IQCM: variants seen among roughly 807,000 people sequenced by gnomAD.
The protein encoded by IQCM is IQ motif containing M.
IQCM carries 45 observed loss-of-function variants against 57.6 expected under a neutral mutation model. The observed-to-expected ratio is 0.78, with a 90% CI of 0.62 to 1.00. The LOEUF is 1.00. Ranked by LOEUF, IQCM falls within the 50% of genes least tolerant of loss-of-function variation. IQCM has a pLI of 0.00. For synonymous variants in IQCM, 148 were observed against 158.9 expected (o/e 0.93, Z 0.51); for missense variants, 468 against 511.6 (o/e 0.91, Z 0.82).
At chr4:149,428,120 AC>A (rs1244898035) in intron 13 of IQCM, among the ~76,000 whole-genome samples, 4 of 151,994 alleles carry the variant, frequency 2.6e-5, no homozygotes, top group African/African-American at 4.8e-5. Context: ...ATCCTACAGA[AC>A]ACTTCAAAGA....
intron 8 of IQCM, among the ~76,000 whole-genome samples, chr4:149,618,133 G>T (rs978529674): frequency 6.6e-6 from 1 of 152,040 alleles, no homozygotes; most frequent in African/African-American, 2.4e-5. Flanking sequence ...TCAAAACAGC[G>T]TGACATTGGT....
chr4:149,706,081 T>A (rs1398229273), intron 5 of IQCM, among the ~76,000 whole-genome samples: 1 of 151,972 alleles, frequency 6.6e-6, no homozygotes. Context: ...TATTCTTTTT[T>A]AAAAAAGTTT....
chr4:149,733,567 TAA>T, intron 4 of IQCM, 59 bp from the exon 5 acceptor site: 1 of 827,480 alleles, frequency 1.2e-6, no homozygotes, highest in Non-Finnish European at 1.6e-6. Context: ...CATTATTTAA[TAA>T]AGTTATATAT....
intron 2 of IQCM, among the ~76,000 whole-genome samples, chr4:149,768,755 C>T (rs1770287973): frequency 6.6e-6 from 1 of 152,026 alleles, no homozygotes; most frequent in African/African-American, 2.4e-5. Context: ...TACTCTGAGA[C>T]ACGGCAACTG....
intron 13 of IQCM, among the ~76,000 whole-genome samples, chr4:149,426,580 A>C (rs1734477100): frequency 6.6e-6 from 1 of 151,936 alleles, no homozygotes; most frequent in Admixed American, 6.6e-5. Context: ...CTCTCACTAG[A>C]GCTGCAGTTA....
At chr4:149,378,039 C>T (rs145475699) in intron 13 of IQCM, among the ~76,000 whole-genome samples, 63 of 152,214 alleles carry the variant, frequency 4.1e-4, no homozygotes, top group Non-Finnish European at 7.2e-4. Flanking sequence ...GTGAATAAGT[C>T]TCACAAGATC....
At chr4:149,653,385 G>C (rs1237398987) in intron 7 of IQCM, among the ~76,000 whole-genome samples, 2 of 152,242 alleles carry the variant, frequency 1.3e-5, no homozygotes, top group Non-Finnish European at 2.9e-5. Flanking sequence ...CTAAAGGCAA[G>C]GTCCTGTGTG....
At chr4:149,536,215 C>T (rs1156993211) in intron 12 of IQCM, among the ~76,000 whole-genome samples, 1 of 152,022 alleles carries the variant, frequency 6.6e-6, no homozygotes, top group Non-Finnish European at 1.5e-5. Context: ...CATCCATTTA[C>T]AGTAGGCAGA....
intron 7 of IQCM, among the ~76,000 whole-genome samples, chr4:149,621,657 A>T (rs1579736104): frequency 6.6e-6 from 1 of 152,242 alleles, no homozygotes; most frequent in East Asian, 1.9e-4. Flanking sequence ...TCAGTATTTT[A>T]TAAGGCACAA....
At chr4:149,800,982 C>T (rs1444452312) in intron 2 of IQCM, among the ~76,000 whole-genome samples, 4 of 151,742 alleles carry the variant, frequency 2.6e-5, no homozygotes, top group African/African-American at 9.7e-5. Context: ...AAAAAAAATT[C>T]TAAAATTGAT....
At chr4:149,517,114 G>GAAAAA (rs34555374) in intron 12 of IQCM, among the ~76,000 whole-genome samples, 16 of 83,882 alleles carry the variant, frequency 1.9e-4, no homozygotes, top group Non-Finnish European at 2.8e-4. Flanking sequence ...ACTCCACCAG[G>GAAAAA]AAAAAAAAAA....
chr4:149,708,577 A>T (rs1430069119), intron 5 of IQCM, among the ~76,000 whole-genome samples: 1 of 152,080 alleles, frequency 6.6e-6, no homozygotes, highest in Non-Finnish European at 1.5e-5. Context: ...TATCACTAAC[A>T]GAAAGGCTTT....
chr4:149,534,821 T>G (rs148281009), intron 12 of IQCM, among the ~76,000 whole-genome samples: 31 of 152,254 alleles, frequency 2.0e-4, no homozygotes, highest in African/African-American at 7.2e-4. Context: ...GAAACTCTTA[T>G]GGACCAATCA....
At chr4:149,379,062 G>T (rs1189195016) in intron 13 of IQCM, among the ~76,000 whole-genome samples, 1 of 152,184 alleles carries the variant, frequency 6.6e-6, no homozygotes, top group Admixed American at 6.5e-5. Context: ...TCCATGTGGT[G>T]TTGAGCCTGT....
intron 3 of IQCM, among the ~76,000 whole-genome samples, chr4:149,739,885 G>C (rs370721308): frequency 6.6e-6 from 1 of 151,948 alleles, no homozygotes; most frequent in Non-Finnish European, 1.5e-5. Flanking sequence ...TTGTGATGAC[G>C]GTTCATAAAA....
chr4:149,795,983 G>A (rs965803482), intron 2 of IQCM, among the ~76,000 whole-genome samples: 1 of 152,204 alleles, frequency 6.6e-6, no homozygotes, highest in African/African-American at 2.4e-5. Context: ...GGCTCTAGGT[G>A]AGACTCAGAA....
intron 13 of IQCM, among the ~76,000 whole-genome samples, chr4:149,412,960 G>T (rs1299168624): frequency 6.6e-6 from 1 of 152,116 alleles, no homozygotes; most frequent in Admixed American, 6.6e-5. Flanking sequence ...GCCAGGATCA[G>T]ACTGTGAAGG....
chr4:149,458,019 A>G (rs571633284), intron 12 of IQCM, among the ~76,000 whole-genome samples: 1 of 152,120 alleles, frequency 6.6e-6, no homozygotes, highest in East Asian at 1.9e-4. Context: ...TGAACATAAA[A>G]GAAGCAACAT....
intron 9 of IQCM, among the ~76,000 whole-genome samples, chr4:149,586,980 T>TGCACAATTCAGGAGTCA (rs1221778168): frequency 1.3e-5 from 2 of 151,738 alleles, no homozygotes; most frequent in Non-Finnish European, 2.9e-5. Flanking sequence ...TTTCTACACA[T>TGCACAATTCAGGAGTCA]GCACAATTCA....
Sources: allele counts gnomAD v4.1 joint callset (sites outside exome capture counted in the v4.1 genomes callset), GRCh38; gene constraint gnomAD v4.1.1; transcripts MANE v1.5; gene names NCBI Gene and HGNC (gene_info 2026-07-23, HGNC 2026-07-21).